The following THRB variants were observed in gnomAD, a reference collection of about 807,000 sequenced individuals.
THRB encodes the protein nuclear receptor subfamily 1 group A member 2.
Under a neutral mutation model 47.8 loss-of-function variants are expected in THRB, and 12 were observed. The observed-to-expected ratio is 0.25, with a 90% confidence interval of 0.16 to 0.41. The LOEUF (loss-of-function observed/expected upper bound fraction) is 0.41. Among genes scored for constraint, THRB ranks in the 10% least tolerant of loss-of-function variants. The pLI is 1.00. For synonymous variants in THRB, 218 were observed against 212.2 expected, an observed-to-expected ratio of 1.03 and a Z score of -0.24; for missense variants, 348 against 589.2, an observed-to-expected ratio of 0.59 and a Z score of 4.24.
At chr3:24,165,021 C>A in intron 5 of THRB, 1 of 739,144 alleles carries the variant, frequency 1.4e-6, no homozygotes, top group South Asian at 1.4e-5. Context: ...GCAAAATGGT[C>A]CCTACCTTTT....
intron 6 of THRB, among the ~76,000 whole-genome samples, chr3:24,149,335 G>C (rs1302382278): frequency 6.6e-6 from 1 of 152,142 alleles, no homozygotes; most frequent in Non-Finnish European, 1.5e-5. Context: ...TAGGAAGATT[G>C]TTAGTCTATC....
chr3:24,268,449 A>T (rs1366975452), intron 3 of THRB, among the ~76,000 whole-genome samples: 1 of 152,214 alleles, frequency 6.6e-6, no homozygotes, highest in Non-Finnish European at 1.5e-5. Flanking sequence ...ACAGTAGATT[A>T]AAAAAGACCT....
At chr3:24,414,492 CA>C (rs533280946) in intron 1 of THRB, among the ~76,000 whole-genome samples, 9 of 149,360 alleles carry the variant, frequency 6.0e-5, no homozygotes, top group Non-Finnish European at 1.2e-4. Context: ...TAATTCAGGC[CA>C]AAAAAAAAGT....
At chr3:24,465,792 T>C (rs1191670396) in intron 1 of THRB, among the ~76,000 whole-genome samples, 2 of 152,214 alleles carry the variant, frequency 1.3e-5, no homozygotes, top group Non-Finnish European at 2.9e-5. Context: ...GAGATTTTTT[T>C]CCCACATTTA....
intron 1 of THRB, among the ~76,000 whole-genome samples, chr3:24,397,999 T>TA (rs997156554): frequency 7.9e-5 from 12 of 152,208 alleles, no homozygotes; most frequent in African/African-American, 2.9e-4. Context: ...TGCAAGAAAG[T>TA]AAAAATATAC....
At chr3:24,294,667 AT>A (rs1243163155) in intron 3 of THRB, among the ~76,000 whole-genome samples, 2 of 152,178 alleles carry the variant, frequency 1.3e-5, no homozygotes, top group African/African-American at 4.8e-5. Flanking sequence ...CACGGAGACA[AT>A]AGTAGGGCAA....
At chr3:24,277,122 G>A (rs552064977) in intron 3 of THRB, among the ~76,000 whole-genome samples, 23 of 152,272 alleles carry the variant, frequency 1.5e-4, no homozygotes, top group African/African-American at 5.5e-4. Context: ...CTGTGTCAGG[G>A]TTGGAAGTTG....
chr3:24,211,197 C>CAA (rs370498415), intron 4 of THRB, among the ~76,000 whole-genome samples: 8,837 of 99,946 alleles, frequency 0.088, 936 homozygotes, highest in African/African-American at 0.24. Flanking sequence ...GACTCCATCT[C>CAA]AAAAAAAAAA....
chr3:24,124,057 T>TG (rs1199032343), intron 10 of THRB, among the ~76,000 whole-genome samples: 2 of 152,230 alleles, frequency 1.3e-5, no homozygotes, highest in Non-Finnish European at 2.9e-5. Context: ...AACGTGCCCC[T>TG]GCTAAGTTCT....
At chr3:24,375,599 C>T (rs995780580) in intron 1 of THRB, among the ~76,000 whole-genome samples, 2 of 149,630 alleles carry the variant, frequency 1.3e-5, no homozygotes, top group African/African-American at 4.9e-5. Context: ...GAAAAACTAA[C>T]TCAAGGAATA....
In THRB at chr3:24,127,517, C is replaced by G. The variant is rs762924308; in HGVS notation, c.1126G>C (p.Val376Leu). 1.9e-6 allele frequency: 3 copies of G among 1,614,170 alleles called. No homozygotes were observed. ...TACTCACCTGAAGACATCAGCAGGA[C>G]GGCCTGAAGGAGGGCTACTTCAGTG... ...DDTEVALLQA[V>L]LLMSSDRPGL... Residue 376 changes from valine (V) to leucine (L), a missense_variant, in exon 10 of 11, where the codon GTC (valine) becomes CTC (leucine). Val to Leu is a conservative substitution (Grantham distance 32). Transcript: ENST00000646209.
In THRB at chr3:24,233,537, A is replaced by AAG. The variant is rs1165561228; in HGVS notation, c.-42-4538_-42-4537dup. On this transcript the variant is annotated intron_variant, in intron 3 of 10. Coordinates refer to ENST00000646209, the MANE Select transcript of THRB (RefSeq NM_001354712.2). ...AGGAGGGAAGGAAGGAAGGAAAAGAAAGAAAGAGAAAGAAAGAAAAAGGAA... is the reference window on the plus strand; with the variant it reads ...AGGAGGGAAGGAAGGAAGGAAAAGAAAGAGAAAGAGAAAGAAAGAAAAAGGAA... Among the ~76,000 whole-genome samples the AAG allele has an allele frequency of 1.7e-4, 21 of 121,186 alleles. 1 individual carries two copies. The highest frequency in any genetic ancestry group is 3.1e-4 in the Non-Finnish European group (18 of 57,876). 79.5% of individuals were successfully genotyped at this position (121,186 alleles called of 152,430 possible).
At chr3:24,273,798 CA>C (rs1559795042) in intron 3 of THRB, among the ~76,000 whole-genome samples, 2 of 152,178 alleles carry the variant, frequency 1.3e-5, no homozygotes, top group African/African-American at 4.8e-5. Flanking sequence ...CGAACCCCCC[CA>C]CCCCTCAAAA....
At chr3:24,440,237 G>C (rs975278917) in intron 1 of THRB, among the ~76,000 whole-genome samples, 1 of 152,082 alleles carries the variant, frequency 6.6e-6, no homozygotes, top group Non-Finnish European at 1.5e-5. Context: ...TCTCCAGGTA[G>C]TAATTCTGTT....
chr3:24,346,414 A>C (rs2063020671), intron 1 of THRB, among the ~76,000 whole-genome samples: 2 of 152,098 alleles, frequency 1.3e-5, no homozygotes, highest in Non-Finnish European at 2.9e-5. Flanking sequence ...GAAAAGGAAC[A>C]GTAAATAACT....
intron 1 of THRB, among the ~76,000 whole-genome samples, chr3:24,436,878 C>T (rs35947386): frequency 0.59 from 90,040 of 151,738 alleles, 27,864 homozygotes; most frequent in South Asian, 0.75. Flanking sequence ...TCAATGCTGA[C>T]AGAATTAGGT....
At chr3:24,155,742 G>A (rs1350199666) in intron 5 of THRB, among the ~76,000 whole-genome samples, 1 of 152,120 alleles carries the variant, frequency 6.6e-6, no homozygotes, top group East Asian at 1.9e-4. Context: ...CATTAGTTTT[G>A]TTGCCAAGAG....
intron 5 of THRB, among the ~76,000 whole-genome samples, chr3:24,159,989 C>T (rs1357291985): frequency 1.3e-5 from 2 of 152,132 alleles, no homozygotes; most frequent in Non-Finnish European, 2.9e-5. Context: ...GGATATCTGC[C>T]TTTGAAGGCA....
chr3:24,226,639 G>C (rs1009529325), intron 4 of THRB, among the ~76,000 whole-genome samples: 1 of 152,132 alleles, frequency 6.6e-6, no homozygotes, highest in Non-Finnish European at 1.5e-5. Flanking sequence ...AGCTGTCTAG[G>C]AGTGGGCCTA....
Sources: gnomAD v4.1 joint callset for allele counts (sites outside exome capture counted in the v4.1 genomes callset) on GRCh38, gnomAD v4.1.1 for gene constraint, MANE v1.5 for transcripts, NCBI Gene and HGNC (gene_info 2026-07-23, HGNC 2026-07-21) for gene names.